The following LRP2 variants were observed in gnomAD, a reference collection of about 807,000 sequenced individuals.
The protein encoded by LRP2 is LDL receptor related protein 2, also known as low-density lipoprotein receptor-related protein 2.
In LRP2, 172 loss-of-function variants were observed where a neutral mutation model predicts 531.0. The ratio of observed to expected loss-of-function variants is 0.32; its 90% CI spans 0.29 to 0.37. The LOEUF (loss-of-function observed/expected upper bound fraction) is 0.37, where lower values mean the gene tolerates loss of function less well. Among genes scored for constraint, LRP2 ranks in the 10% least tolerant of loss-of-function variants. The pLI is 1.00. For missense variants in LRP2, 5,167 were observed against 5,868.3 expected (o/e 0.88, Z 3.90); for synonymous variants, 1,992 against 2,027.6 (o/e 0.98, Z 0.47).
At chr2:169,222,714 A>C (rs942483306) in intron 33 of LRP2, among the ~76,000 whole-genome samples, 6 of 152,234 alleles carry the variant, frequency 3.9e-5, no homozygotes, top group Non-Finnish European at 8.8e-5. Flanking sequence ...ATAAAAATAT[A>C]CTGTAATAAC....
intron 37 of LRP2, among the ~76,000 whole-genome samples, chr2:169,210,388 A>T (rs1688551964): frequency 6.6e-6 from 1 of 152,242 alleles, no homozygotes; most frequent in African/African-American, 2.4e-5. Flanking sequence ...TGCCACTAAG[A>T]GCAGGGCAAG....
intron 48 of LRP2, 124 bp downstream of exon 48, chr2:169,191,708 T>G: frequency 6.8e-6 from 5 of 739,092 alleles, no homozygotes. Flanking sequence ...CCAAACATTT[T>G]CATAAGCCAC....
Position 169,318,744 on chromosome 2 carries a change from T to C in LRP2, c.310+18A>G. 6.2e-7 allele frequency: 1 copy of C among 1,614,016 alleles called. No homozygotes were observed. Among genetic ancestry groups the C allele is most frequent in the Non-Finnish European group, 8.5e-7 (1 of 1,179,924 alleles). On this transcript the variant is annotated intron_variant, in intron 3 of 78. Transcript: ENST00000649046. ...GGTGTCCACAAAGCCAAAGCAAGAT[T>C]CCTCTCCAAACACTTACAGCAATCT...
Position 169,238,321 on chromosome 2 carries a change from C to CA in LRP2, c.4295-20dup. On this transcript the variant is annotated intron_variant, in intron 26 of 78. Transcript: ENST00000649046. ...TCAGATGCTGTTCAAGAAAAAAATG[C>CA]AAAAATGTCAATGATACTGGGAGAA... 1.3e-6 allele frequency: 2 copies of CA among 1,532,330 alleles called. No individual in the cohort carries two copies. The highest frequency in any genetic ancestry group is 1.4e-5 in the African/African-American group (1 of 73,216). 94.9% of individuals were successfully genotyped at this position (1,532,330 alleles called of 1,614,324 possible).
chr2:169,261,609 G>A (rs1165339204), intron 16 of LRP2, among the ~76,000 whole-genome samples: 1 of 151,800 alleles, frequency 6.6e-6, no homozygotes, highest in African/African-American at 2.4e-5. Context: ...TTAAAAGGTA[G>A]GTTGCCAAAA....
chr2:169,311,733 G>C (rs2544375), intron 3 of LRP2, among the ~76,000 whole-genome samples: 50,599 of 151,910 alleles, frequency 0.33, 9,008 homozygotes, highest in African/African-American at 0.47. Flanking sequence ...GTGCAGAGCT[G>C]AGTTCAATTC....
intron 1 of LRP2, among the ~76,000 whole-genome samples, chr2:169,359,881 T>C (rs1388528128): frequency 6.6e-6 from 1 of 152,058 alleles, no homozygotes; most frequent in Non-Finnish European, 1.5e-5. Context: ...CCTAGCACTT[T>C]GGGAGGCCTA....
At chr2:169,238,929 C>T (rs534972156) in intron 26 of LRP2, among the ~76,000 whole-genome samples, 1 of 152,262 alleles carries the variant, frequency 6.6e-6, no homozygotes, top group African/African-American at 2.4e-5. Context: ...TGCTTGCCCT[C>T]CACTTTCTCT....
chr2:169,236,970 C>T, intron 28 of LRP2, 133 bp downstream of exon 28: 1 of 745,014 alleles, frequency 1.3e-6, no homozygotes, highest in African/African-American at 1.7e-5. Context: ...AGTTGGACAC[C>T]TACCATGTTT....
At chr2:169,311,524 T>G (rs539556045) in intron 3 of LRP2, among the ~76,000 whole-genome samples, 103 of 152,380 alleles carry the variant, frequency 6.8e-4, no homozygotes, top group African/African-American at 2.3e-3. Flanking sequence ...GTGAGTTTCT[T>G]AATCCTGAGT....
intron 60 of LRP2, 117 bp from the exon 61 acceptor site, chr2:169,168,793 A>G: frequency 8.8e-7 from 1 of 1,140,342 alleles, no homozygotes; most frequent in East Asian, 2.5e-5. Flanking sequence ...TTTATTCATC[A>G]AGATGTATAG....
intron 16 of LRP2, among the ~76,000 whole-genome samples, chr2:169,267,034 C>T (rs964737195): frequency 3.3e-5 from 5 of 151,750 alleles, no homozygotes; most frequent in African/African-American, 1.2e-4. Flanking sequence ...ACTACAGGTA[C>T]ATGCCACCAC....
chr2:169,208,526 G>A (rs374396746), intron 38 of LRP2, among the ~76,000 whole-genome samples: 16 of 151,746 alleles, frequency 1.1e-4, no homozygotes, highest in Non-Finnish European at 2.1e-4. Context: ...GCTTAATCTC[G>A]GCCCACTGCA....
In LRP2 at chr2:169,257,395, T is replaced by C. The variant is rs879219750; in HGVS notation, c.2514-146A>G. Reference sequence around the variant, plus strand: ...TATTGAACTTAACATACTTAGTGTATAACTCATGTAATTCTCAGTTAAAAT... The same window carrying C: ...TATTGAACTTAACATACTTAGTGTACAACTCATGTAATTCTCAGTTAAAAT... On this transcript the variant is annotated intron_variant, in intron 17 of 78. Transcript: ENST00000649046. 3 of 793,466 alleles carry C rather than the reference T, an allele frequency of 3.8e-6. No individual in the cohort carries two copies. In the South Asian group the frequency reaches 4.7e-5, roughly 12 times the overall value. The allele number at this position is 793,466 out of a possible 1,614,324, so 49.2% of individuals were successfully genotyped here. A position where few individuals can be genotyped will look rare whatever the true frequency, so the allele number is the denominator to read the frequency against.
chr2:169,269,845 C>T (rs1252128557), intron 16 of LRP2, among the ~76,000 whole-genome samples: 1 of 152,172 alleles, frequency 6.6e-6, no homozygotes, highest in Admixed American at 6.5e-5. Context: ...AAAATTTTTA[C>T]AATCTACCCA....
chr2:169,243,020 A>C lies in LRP2; in HGVS notation c.3603T>G (p.Ile1201Met). 1 of 1,614,194 alleles carries C rather than the reference A, an allele frequency of 6.2e-7. No individual in the cohort carries two copies. The highest frequency in any genetic ancestry group is 8.5e-7 in the Non-Finnish European group (1 of 1,180,014). Residue 1201 changes from isoleucine (I) to methionine (M), a missense_variant, in exon 24 of 79, where the codon ATT (isoleucine) becomes ATG (methionine). This residue lies in a region of LRP2 where 2,811 missense variants were observed against 3,058.0 expected (regional missense o/e 0.92). Coordinates refer to ENST00000649046, the MANE Select transcript of LRP2 (RefSeq NM_004525.3). ...QFKCASGDKCIGVTNRCDGVF... is the reference protein window; with the variant it reads ...QFKCASGDKCMGVTNRCDGVF... ...CACCATCACAACGATTTGTGACGCC[A>C]ATACATTTATCCCCACTGGCACACT...
intron 64 of LRP2, 135 bp from the exon 65 acceptor site, chr2:169,156,540 C>T: frequency 1.0e-6 from 1 of 989,184 alleles, no homozygotes; most frequent in Non-Finnish European, 1.6e-6. Flanking sequence ...ATGATACAAA[C>T]ATTTGTGAAA....
At chr2:169,193,594 G>C (rs2105313772) in intron 47 of LRP2, among the ~76,000 whole-genome samples, 167 bp downstream of exon 47, 1 of 152,184 alleles carries the variant, frequency 6.6e-6, no homozygotes, top group Admixed American at 6.5e-5. Flanking sequence ...AAGCATTTAA[G>C]TGGATGATAT....
chr2:169,185,027 C>T (rs1160011755), intron 50 of LRP2, among the ~76,000 whole-genome samples: 2 of 152,154 alleles, frequency 1.3e-5, no homozygotes, highest in Non-Finnish European at 2.9e-5. Flanking sequence ...TCCCAAAGTT[C>T]TGAGATTACA....
Sources: gnomAD v4.1 joint callset for allele counts (sites outside exome capture counted in the v4.1 genomes callset) on GRCh38, gnomAD v4.1.1 for gene constraint, gnomAD v4.1.1 regional missense constraint, MANE v1.5 for transcripts, NCBI Gene and HGNC (gene_info 2026-07-23, HGNC 2026-07-21) for gene names.